Variants in GRIN2B observed in about 807,000 individuals in gnomAD.
The protein encoded by GRIN2B is glutamate ionotropic receptor NMDA type subunit 2B.
GRIN2B carries 5 observed loss-of-function variants against 114.5 expected under a neutral mutation model. The ratio of observed to expected loss-of-function variants is 0.04; its 90% CI spans 0.02 to 0.09. The LOEUF (loss-of-function observed/expected upper bound fraction) is 0.09, where lower values mean the gene tolerates loss of function less well. Among genes scored for constraint, GRIN2B ranks in the 10% least tolerant of loss-of-function variants. The pLI is 1.00. For synonymous variants in GRIN2B, 787 were observed against 745.1 expected (o/e 1.06, Z -0.92); for missense variants, 1,108 against 1,943.5 (o/e 0.57, Z 8.08).
rs1447482208 is a variant in GRIN2B at position 13,571,968 on chromosome 12, G to A, written c.2011-4C>T. 2 of 1,611,522 alleles carry A rather than the reference G, an allele frequency of 1.2e-6. No individual in the cohort carries two copies. The highest frequency in any genetic ancestry group is 2.2e-5 in the East Asian group (1 of 44,838). Reference sequence around the variant, plus strand: ...AGAAGTCATTAGGTCTCTGGAACTGGAGAGAGAAAGACAGATAGAGACAGA... The same window carrying A: ...AGAAGTCATTAGGTCTCTGGAACTGAAGAGAGAAAGACAGATAGAGACAGA... On this transcript the variant is annotated splice_region_variant and splice_polypyrimidine_tract_variant and intron_variant, in intron 10 of 13. Coordinates refer to ENST00000609686, the MANE Select transcript of GRIN2B (RefSeq NM_000834.5).
At chr12:13,679,641 C>G (rs1380334392) in intron 4 of GRIN2B, among the ~76,000 whole-genome samples, 1 of 152,202 alleles carries the variant, frequency 6.6e-6, no homozygotes, top group Non-Finnish European at 1.5e-5. Flanking sequence ...ATTAATCATT[C>G]ACACTGTGTT....
At chr12:13,570,319 A>G (rs1240226324) in intron 11 of GRIN2B, among the ~76,000 whole-genome samples, 1 of 152,252 alleles carries the variant, frequency 6.6e-6, no homozygotes, top group Non-Finnish European at 1.5e-5. Context: ...GATCAATAAA[A>G]ATAATAACAG....
chr12:13,605,551 T>TCTCTCTCTCTCTCTCACA, intron 10 of GRIN2B, among the ~76,000 whole-genome samples: 13 of 30,446 alleles, frequency 4.3e-4, no homozygotes, highest in African/African-American at 1.4e-3. Context: ...TCTCTCTCTC[T>TCTCTCTCTCTCTCTCACA]GACACACACA....
chr12:13,974,674 T>A (rs1862988033), intron 2 of GRIN2B, among the ~76,000 whole-genome samples: 1 of 152,170 alleles, frequency 6.6e-6, no homozygotes, highest in South Asian at 2.1e-4. Context: ...CTCTCCTTTT[T>A]AGATCTTACC....
intron 3 of GRIN2B, among the ~76,000 whole-genome samples, chr12:13,843,026 ATTATTTATTTAT>A (rs60291696): frequency 8.5e-5 from 10 of 117,110 alleles, no homozygotes; most frequent in Non-Finnish European, 5.3e-5. Flanking sequence ...AAAATTTTTT[ATTATTTATTTAT>A]TTATTTATTT....
intron 5 of GRIN2B, among the ~76,000 whole-genome samples, chr12:13,664,276 G>A (rs1444336237): frequency 1.3e-5 from 2 of 152,116 alleles, no homozygotes; most frequent in East Asian, 3.9e-4. Context: ...GGAAAAGGAA[G>A]GGAAGGTGGG....
chr12:13,850,782 T>C (rs1865548714), intron 3 of GRIN2B, among the ~76,000 whole-genome samples: 1 of 152,172 alleles, frequency 6.6e-6, no homozygotes, highest in African/African-American at 2.4e-5. Context: ...GTGTTCAAAA[T>C]AAAGTGAAGC....
At chr12:13,847,941 G>C (rs1865496788) in intron 3 of GRIN2B, among the ~76,000 whole-genome samples, 2 of 152,146 alleles carry the variant, frequency 1.3e-5, no homozygotes, top group Non-Finnish European at 2.9e-5. Context: ...CTACTTCCCA[G>C]AGCAGGTCCT....
At chr12:13,982,130 T>A (rs3764028), upstream of GRIN2B, among the ~76,000 whole-genome samples, 2 of 149,598 alleles carry the variant, frequency 1.3e-5, no homozygotes, top group Admixed American at 1.3e-4. Flanking sequence ...GGTGGTAAGG[T>A]GGATGGAAGG....
chr12:13,642,132 G>A (rs1237186316), intron 5 of GRIN2B, among the ~76,000 whole-genome samples: 1 of 152,004 alleles, frequency 6.6e-6, no homozygotes, highest in African/African-American at 2.4e-5. Context: ...ATGTTGCAGT[G>A]AGCCGAGATC....
At chr12:13,897,258 A>AGCCTAGCTAGAGCCCC (rs1866369060) in intron 2 of GRIN2B, among the ~76,000 whole-genome samples, 1 of 152,138 alleles carries the variant, frequency 6.6e-6, no homozygotes. Context: ...ACTAGGGCCC[A>AGCCTAGCTAGAGCCCC]GCCTAGCTAG....
Position 13,563,315 on chromosome 12 carries a change from A to G in GRIN2B, c.3923T>C (p.Val1308Ala). 1.2e-6 allele frequency: 2 copies of G among 1,614,142 alleles called. No individual in the cohort carries two copies. Among genetic ancestry groups the G allele is most frequent in the Non-Finnish European group, 1.7e-6 (2 of 1,180,022 alleles). ...LRRQHSYDTF[V>A]DLQKEEAALA... is the part of the protein sequence containing the mutation. The stretch of plus-strand genomic sequence containing the variant: ...GGCGGCTTCTTCCTTCTGCAGGTCC[A>G]CGAAGGTGTCGTAGGAGTGCTGCCG... Residue 1308 changes from valine to alanine, a missense_variant, in exon 14 of 14, where the codon GTG (valine) becomes GCG (alanine). By Grantham distance (64) the Val-to-Ala change is moderately conservative (BLOSUM62 0). Around this residue, in one of 19 missense-constraint regions of GRIN2B, gnomAD observed 478 missense variants for 506.0 expected, o/e 0.94. Transcript: ENST00000609686.
In GRIN2B at chr12:13,615,319, C is replaced by T; in HGVS notation, c.1501-52G>A. 1.3e-6 allele frequency: 2 copies of T among 1,582,682 alleles called. No individual in the cohort carries two copies. Among genetic ancestry groups the T allele is most frequent in the African/African-American group, 1.3e-5 (1 of 74,474 alleles). Reference sequence around the variant, plus strand: ...TAAAACATTCAGGAGGGCAAGGGACCACCACAAGGAAAATACAGCCTATCA... The same window carrying T: ...TAAAACATTCAGGAGGGCAAGGGACTACCACAAGGAAAATACAGCCTATCA... On this transcript the variant is annotated intron_variant, in intron 7 of 13. Transcript: ENST00000609686. This position sits in a 1 kb window ranked among gnomAD's most constrained non-coding sequence, Gnocchi z 5.8.
At chr12:13,692,760 C>CTTTCTTTCTTTT (rs1427827056) in intron 4 of GRIN2B, among the ~76,000 whole-genome samples, 13 of 52,124 alleles carry the variant, frequency 2.5e-4, no homozygotes, top group African/African-American at 1.1e-3. Context: ...TCTTTCTTTT[C>CTTTCTTTCTTTT]TTTTTTTTTT....
chr12:13,965,587 G>A (rs1177658564), intron 2 of GRIN2B, among the ~76,000 whole-genome samples: 1 of 151,044 alleles, frequency 6.6e-6, no homozygotes, highest in Non-Finnish European at 1.5e-5. Flanking sequence ...ACACGTGTGT[G>A]TGATTGTATG....
intron 2 of GRIN2B, among the ~76,000 whole-genome samples, chr12:13,896,123 A>C (rs969703552): frequency 1.3e-5 from 2 of 152,210 alleles, no homozygotes; most frequent in South Asian, 4.1e-4. Flanking sequence ...AGAGGATCGC[A>C]GTGTGATTTC....
rs111630836 is a variant in GRIN2B, at chr12:13,598,918, G to A, written c.2010+9685C>T. 4.7e-3 allele frequency among the ~76,000 whole-genome samples: 711 copies of A among 152,282 alleles called. 8 individuals carry two copies. The highest frequency in any genetic ancestry group is 0.016 in the African/African-American group (662 of 41,560). On this transcript the variant is annotated intron_variant, in intron 10 of 13. Coordinates refer to ENST00000609686, the MANE Select transcript of GRIN2B (RefSeq NM_000834.5). ...CATGTGCTTTTTAAAGTGAGGACCCGAGGTCTTGAGCCTCCTCCTCCTGAC... is the reference window on the plus strand; with the variant it reads ...CATGTGCTTTTTAAAGTGAGGACCCAAGGTCTTGAGCCTCCTCCTCCTGAC...
rs1047505970 is a variant in GRIN2B, at chr12:13,634,221, C to G, written c.1126-17564G>C. ...TGCAGGGGATACGGTAGGGGATACA[C>G]AGATTCTGCTTTCCAGGAGCTTGTA... On this transcript the variant is annotated intron_variant, in intron 5 of 13. Transcript: ENST00000609686. 5 of 152,176 alleles carry G rather than the reference C, an allele frequency of 3.3e-5. No homozygotes were observed. The East Asian group carries it at 5.8e-4, about 18-fold the overall frequency. The allele number at this position is 152,176 out of a possible 1,614,324, so 9.4% of individuals were successfully genotyped here.
intron 2 of GRIN2B, among the ~76,000 whole-genome samples, chr12:13,897,950 C>A (rs1463258449): frequency 6.6e-6 from 1 of 150,940 alleles, no homozygotes; most frequent in Non-Finnish European, 1.5e-5. Context: ...TGTAACTAAC[C>A]TGTACATTCT....
Sources: allele counts gnomAD v4.1 joint callset (sites outside exome capture counted in the v4.1 genomes callset), GRCh38; gene constraint gnomAD v4.1.1; regional missense constraint gnomAD v4.1.1; non-coding constraint Gnocchi (gnomAD v3.1); transcripts MANE v1.5; gene names NCBI Gene and HGNC (gene_info 2026-07-23, HGNC 2026-07-21).